CFAP46: variants seen among roughly 807,000 people sequenced by gnomAD.
CFAP46 encodes cilia and flagella associated protein 46.
Under a neutral mutation model 325.7 loss-of-function variants are expected in CFAP46, and 245 were observed. The observed-to-expected ratio is 0.75, with a 90% CI of 0.68 to 0.84. CFAP46 has a LOEUF of 0.84. Among genes scored for constraint, CFAP46 ranks in the 40% least tolerant of loss-of-function variants. The pLI is 0.00. For missense variants in CFAP46, 3,346 were observed against 3,543.0 expected, an observed-to-expected ratio of 0.94 and a Z score of 1.41; for synonymous variants, 1,523 against 1,495.9, an observed-to-expected ratio of 1.02 and a Z score of -0.42.
In CFAP46 at chr10:132,928,337, G is replaced by C. The variant is rs1010577600; in HGVS notation, c.966+1368C>G. Among the ~76,000 whole-genome samples, 3 of 152,300 alleles carry C rather than the reference G, an allele frequency of 2.0e-5. No homozygotes were observed. In the South Asian group the frequency reaches 6.2e-4, roughly 32 times the overall value. On this transcript the variant is annotated intron_variant, in intron 9 of 57. Transcript: ENST00000368586. Reference sequence around the variant, plus strand: ...CGTGAAAACCCAGAAGATGGAAATGGGGCCCACAGAAGCCGGTAAAGGGCA... The same window carrying C: ...CGTGAAAACCCAGAAGATGGAAATGCGGCCCACAGAAGCCGGTAAAGGGCA...
chr10:132,899,402 G>C, intron 23 of CFAP46, 133 bp downstream of exon 23: 1 of 1,293,878 alleles, frequency 7.7e-7, no homozygotes, highest in Non-Finnish European at 1.0e-6. Flanking sequence ...TGAACTGGCC[G>C]CACCGGCCAC....
chr10:132,809,311 G>A lies in CFAP46; in HGVS notation c.7665-407C>T, dbSNP rs375377028. 7.9e-5 allele frequency among the ~76,000 whole-genome samples: 12 copies of A among 152,328 alleles called. No homozygotes were observed. In the South Asian group the frequency reaches 2.5e-3, roughly 32 times the overall value. On this transcript the variant is annotated intron_variant, in intron 57 of 57. Transcript: ENST00000368586. Reference sequence around the variant, plus strand: ...GGACCAGAACTTGCAGGTCATCGCTGAGCAGCAGCAGCGGGACAGCCAGCC... The same window carrying A: ...GGACCAGAACTTGCAGGTCATCGCTAAGCAGCAGCAGCGGGACAGCCAGCC...
intron 27 of CFAP46, among the ~76,000 whole-genome samples, chr10:132,882,133 TGA>T (rs1308697124): frequency 7.1e-6 from 1 of 140,100 alleles, no homozygotes; most frequent in Admixed American, 7.1e-5. Flanking sequence ...ATGTGGGGTG[TGA>T]GTGGTGTGTG....
rs1433378081 is a variant in CFAP46 at position 132,812,778 on chromosome 10, C to G, written c.7501+7G>C. 1 of 1,606,236 alleles carries G rather than the reference C, an allele frequency of 6.2e-7. No homozygotes were observed. Among genetic ancestry groups the G allele is most frequent in the Non-Finnish European group, 8.5e-7 (1 of 1,174,688 alleles). On this transcript the variant is annotated splice_region_variant and intron_variant, in intron 55 of 57. Coordinates refer to ENST00000368586, the MANE Select transcript of CFAP46 (RefSeq NM_001200049.3). Reference sequence around the variant, plus strand: ...GGGGGAGGGGGTGCTGAGAGGACACCTCTCACCTTGCAAGTTCATGGCGAC... The same window carrying G: ...GGGGGAGGGGGTGCTGAGAGGACACGTCTCACCTTGCAAGTTCATGGCGAC...
chr10:132,884,942 AGGAGTG>A lies in CFAP46; in HGVS notation c.3627+155_3627+160del, dbSNP rs1017693518. Among the ~76,000 whole-genome samples the A allele has an allele frequency of 5.3e-5, 8 of 152,146 alleles. No homozygotes were observed. The highest frequency in any genetic ancestry group is 1.0e-4 in the Non-Finnish European group (7 of 68,016). ...CCCTCGTCCCTGACTGGTCAGCAAGAGGAGTGCCCGGGGCCACGCGGTGCATTCTCT... is the reference window on the plus strand; with the variant it reads ...CCCTCGTCCCTGACTGGTCAGCAAGACCCGGGGCCACGCGGTGCATTCTCT... On this transcript the variant is annotated intron_variant, in intron 27 of 57. Coordinates refer to ENST00000368586, the MANE Select transcript of CFAP46 (RefSeq NM_001200049.3). The surrounding 1 kb of genome is among the most constrained non-coding windows in gnomAD (Gnocchi z 5.4).
chr10:132,916,094 G>A (rs1046771079), intron 17 of CFAP46, among the ~76,000 whole-genome samples: 16 of 152,138 alleles, frequency 1.1e-4, no homozygotes, highest in South Asian at 2.1e-4. Context: ...AGGCGTTTTC[G>A]AGGCCAAGGC....
chr10:132,810,299 C>A, intron 57 of CFAP46, 110 bp downstream of exon 57: 2 of 898,646 alleles, frequency 2.2e-6, no homozygotes, highest in Non-Finnish European at 3.7e-6. Context: ...AGGTCCCCCA[C>A]GGAGAAGCGG....
rs370557770 is a variant in CFAP46, at chr10:132,876,398, C to T, written c.4362+414G>A. ...AGGCCACGTGACCACAGAGGCTGAC[C>T]GGGATGAGGAAAGAGGGATCTTCCC... On this transcript the variant is annotated intron_variant, in intron 31 of 57. Coordinates refer to ENST00000368586, the MANE Select transcript of CFAP46 (RefSeq NM_001200049.3). The surrounding 1 kb of genome is among the most constrained non-coding windows in gnomAD (Gnocchi z 4.1). 6.6e-5 allele frequency among the ~76,000 whole-genome samples: 10 copies of T among 152,308 alleles called. 1 individual carries two copies. The highest frequency in any genetic ancestry group is 2.1e-4 in the South Asian group (1 of 4,824).
intron 50 of CFAP46, among the ~76,000 whole-genome samples, chr10:132,822,612 G>A (rs1239855265): frequency 6.4e-5 from 9 of 141,554 alleles, no homozygotes; most frequent in African/African-American, 1.3e-4. Flanking sequence ...TGTGTGCTGT[G>A]TGTTGTGTGA....
chr10:132,822,487 GTGTGTGCTGATGTGTGC>G lies in CFAP46; in HGVS notation c.7118-7590_7118-7574del, dbSNP rs1246450089. Among the ~76,000 whole-genome samples, 18 of 135,532 alleles carry G rather than the reference GTGTGTGCTGATGTGTGC, an allele frequency of 1.3e-4. No homozygotes were observed. The East Asian group carries it at 1.4e-3, about 11-fold the overall frequency. The allele number at this position is 135,532 out of a possible 152,430, so 88.9% of individuals were successfully genotyped here. A position where few individuals can be genotyped will look rare whatever the true frequency, so the allele number is the denominator to read the frequency against. ...AGTGCTGATGTGTGCTGTGTGTGCT[GTGTGTGCTGATGTGTGC>G]TGTGTGCTGATGTGTGCTGACGTGT... is the stretch of plus-strand genomic sequence containing the variant. On this transcript the variant is annotated intron_variant, in intron 50 of 57. Transcript: ENST00000368586.
At chr10:132,892,991 C>T (rs1015825383) in intron 24 of CFAP46, among the ~76,000 whole-genome samples, 2 of 152,204 alleles carry the variant, frequency 1.3e-5, no homozygotes, top group Non-Finnish European at 2.9e-5. Context: ...CAGCCAGCAC[C>T]AGGGAAAGGC....
chr10:132,811,123 G>T (rs1030172027), intron 55 of CFAP46, 92 bp from the exon 56 acceptor site: 1 of 1,107,046 alleles, frequency 9.0e-7, no homozygotes, highest in Non-Finnish European at 1.3e-6. Context: ...CCCCAAGGGC[G>T]CAGCAGGGCA....
chr10:132,940,233 A>G (rs1850076374), intron 4 of CFAP46, among the ~76,000 whole-genome samples: 1 of 152,186 alleles, frequency 6.6e-6, no homozygotes, highest in Non-Finnish European at 1.5e-5. Context: ...AGAACAGACC[A>G]GGGAACCCAC....
chr10:132,941,182 C>A, intron 3 of CFAP46, 122 bp from the exon 4 acceptor site: 4 of 948,510 alleles, frequency 4.2e-6, no homozygotes, highest in Non-Finnish European at 6.7e-6. Context: ...CCTGTGTATC[C>A]ACAGGTGACG....
intron 50 of CFAP46, among the ~76,000 whole-genome samples, chr10:132,820,634 GC>G (rs1300348381): frequency 6.9e-6 from 1 of 145,220 alleles, no homozygotes; most frequent in Non-Finnish European, 1.5e-5. Flanking sequence ...TGTGCTGAGT[GC>G]TGATGTGTGC....
chr10:132,888,174 G>A (rs1027111227), intron 25 of CFAP46, among the ~76,000 whole-genome samples: 9 of 151,748 alleles, frequency 5.9e-5, no homozygotes, highest in Non-Finnish European at 1.3e-4. Flanking sequence ...TGCATCGAGC[G>A]CCCGAGAACC....
chr10:132,888,138 T>G (rs758212405), intron 25 of CFAP46, among the ~76,000 whole-genome samples: 6 of 151,258 alleles, frequency 4.0e-5, no homozygotes, highest in Non-Finnish European at 2.9e-5. Flanking sequence ...TCTGGAAAAC[T>G]CTTTGGATCT....
chr10:132,870,759 A>G (rs1241620621), intron 32 of CFAP46, among the ~76,000 whole-genome samples: 1 of 152,232 alleles, frequency 6.6e-6, no homozygotes, highest in Non-Finnish European at 1.5e-5. Context: ...TCTCTGTCAC[A>G]TAAAAATGCC....
chr10:132,810,086 G>A (rs1168176035), intron 57 of CFAP46, among the ~76,000 whole-genome samples: 1 of 152,222 alleles, frequency 6.6e-6, no homozygotes, highest in East Asian at 1.9e-4. Flanking sequence ...CAGCCCCTGG[G>A]CTCGTGGGGA....
Sources: gnomAD v4.1 joint callset for allele counts (sites outside exome capture counted in the v4.1 genomes callset) on GRCh38, gnomAD v4.1.1 for gene constraint, Gnocchi (gnomAD v3.1) non-coding constraint, MANE v1.5 for transcripts, NCBI Gene and HGNC (gene_info 2026-07-23, HGNC 2026-07-21) for gene names.